The following CNTNAP2 variants were observed in gnomAD, a reference collection of about 807,000 sequenced individuals.
CNTNAP2 encodes contactin associated protein 2, also known as contactin-associated protein-like 2.
CNTNAP2 carries 98 observed loss-of-function variants against 155.2 expected under a neutral mutation model. The observed-to-expected ratio is 0.63, with a 90% CI of 0.54 to 0.75. The LOEUF (loss-of-function observed/expected upper bound fraction) is 0.75, where lower values mean the gene tolerates loss of function less well. Among genes scored for constraint, CNTNAP2 ranks in the 30% least tolerant of loss-of-function variants. The probability of loss-of-function intolerance (pLI) is 0.00; values close to 1 mark genes in which losing one functional copy is unlikely to be tolerated. For missense variants in CNTNAP2, 1,727 were observed against 1,688.1 expected, an observed-to-expected ratio of 1.02 and a Z score of -0.40; for synonymous variants, 651 against 631.2, an observed-to-expected ratio of 1.03 and a Z score of -0.47.
At chr7:146,388,243 C>G (rs924709381) in intron 1 of CNTNAP2, among the ~76,000 whole-genome samples, 4 of 151,696 alleles carry the variant, frequency 2.6e-5, no homozygotes, top group Admixed American at 2.6e-4. Context: ...CCAGCCTGGG[C>G]AACATGGCAA....
At chr7:146,658,021 A>G (rs1002037498) in intron 1 of CNTNAP2, among the ~76,000 whole-genome samples, 6 of 152,178 alleles carry the variant, frequency 3.9e-5, no homozygotes, top group Non-Finnish European at 8.8e-5. Flanking sequence ...TATATTTAAA[A>G]TAATTTTTAA....
intron 1 of CNTNAP2, among the ~76,000 whole-genome samples, chr7:146,118,687 G>A (rs1400627625): frequency 6.6e-6 from 1 of 151,930 alleles, no homozygotes; most frequent in African/African-American, 2.4e-5. Context: ...GCAGCCCTTG[G>A]GTTAATGCAT....
chr7:147,685,899 G>A (rs959501153), intron 13 of CNTNAP2, among the ~76,000 whole-genome samples: 1 of 151,918 alleles, frequency 6.6e-6, no homozygotes, highest in African/African-American at 2.4e-5. Context: ...GGAATTTGCT[G>A]GGGAAGAGCA....
chr7:146,207,635 G>A (rs1448270655), intron 1 of CNTNAP2, among the ~76,000 whole-genome samples: 1 of 98,596 alleles, frequency 1.0e-5, no homozygotes, highest in South Asian at 3.7e-4. Context: ...GAACAGGACT[G>A]TGTTTTTTTT....
chr7:147,575,107 ATGTGTGTGTGTGTGTG>A lies in CNTNAP2; in HGVS notation c.1897+12880_1897+12895del, dbSNP rs754922892. Among the ~76,000 whole-genome samples the A allele has an allele frequency of 1.1e-3, 103 of 94,144 alleles. No individual in the cohort carries two copies. In the East Asian group the frequency reaches 0.03, roughly 27 times the overall value. 61.8% of individuals were successfully genotyped at this position (94,144 alleles called of 152,430 possible). On this transcript the variant is annotated intron_variant, in intron 12 of 23. Coordinates refer to ENST00000361727, the MANE Select transcript of CNTNAP2 (RefSeq NM_014141.6). ...CATATTCTCCCGGTCTTTGTGGGAA[ATGTGTGTGTGTGTGTG>A]TGTGTGTGTGTGTGTGTGTGTGTGT...
chr7:146,286,378 G>C (rs141486236), intron 1 of CNTNAP2, among the ~76,000 whole-genome samples: 2 of 151,938 alleles, frequency 1.3e-5, no homozygotes, highest in African/African-American at 2.4e-5. Context: ...GTTGGTGACC[G>C]TGCAAAGCTA....
chr7:147,983,208 C>T (rs1272038160), intron 15 of CNTNAP2, among the ~76,000 whole-genome samples: 4 of 151,988 alleles, frequency 2.6e-5, no homozygotes, highest in African/African-American at 7.3e-5. Context: ...AAGGAGAAAC[C>T]ACTTCTCATC....
At chr7:147,520,694 G>T (rs911616494) in intron 11 of CNTNAP2, among the ~76,000 whole-genome samples, 5 of 152,196 alleles carry the variant, frequency 3.3e-5, no homozygotes, top group Admixed American at 6.5e-5. Flanking sequence ...TGACCCTAAT[G>T]AGTGTCGTTA....
chr7:147,608,117 A>G (rs1338958991), intron 12 of CNTNAP2, among the ~76,000 whole-genome samples: 1 of 151,888 alleles, frequency 6.6e-6, no homozygotes, highest in Non-Finnish European at 1.5e-5. Flanking sequence ...TGTTCAATAA[A>G]TGGAAGCTCC....
intron 13 of CNTNAP2, chr7:147,831,988 C>T (rs1363369576): frequency 6.6e-6 from 1 of 151,940 alleles, no homozygotes; most frequent in African/African-American, 2.4e-5. Flanking sequence ...TGAATATATA[C>T]ACCTACAATG....
chr7:147,967,125 C>T (rs1801229638), intron 14 of CNTNAP2, among the ~76,000 whole-genome samples: 1 of 152,162 alleles, frequency 6.6e-6, no homozygotes, highest in Non-Finnish European at 1.5e-5. Flanking sequence ...ATTCCCTCTA[C>T]TAATCATGCA....
chr7:148,268,374 C>G (rs573430806), intron 21 of CNTNAP2, among the ~76,000 whole-genome samples: 259 of 152,190 alleles, frequency 1.7e-3, no homozygotes, highest in African/African-American at 5.9e-3. Flanking sequence ...AAATAATAGA[C>G]TGGGCGTGGC....
intron 8 of CNTNAP2, among the ~76,000 whole-genome samples, chr7:147,260,432 T>G (rs1804433566): frequency 1.3e-5 from 2 of 152,176 alleles, no homozygotes; most frequent in South Asian, 4.1e-4. Context: ...GGGAAAAATT[T>G]TTTTAAAAAG....
chr7:148,195,851 A>G (rs973138256), intron 18 of CNTNAP2, among the ~76,000 whole-genome samples: 5 of 152,242 alleles, frequency 3.3e-5, no homozygotes, highest in South Asian at 2.1e-4. Context: ...AATCACTAAT[A>G]TTTCCTGAGC....
intron 2 of CNTNAP2, among the ~76,000 whole-genome samples, chr7:146,784,930 T>C (rs1216625865): frequency 6.6e-6 from 1 of 152,052 alleles, no homozygotes; most frequent in Non-Finnish European, 1.5e-5. Context: ...ATAGGCAAAA[T>C]GTGTTTACGA....
intron 8 of CNTNAP2, among the ~76,000 whole-genome samples, chr7:147,296,469 G>A (rs1414659609): frequency 6.6e-6 from 1 of 152,154 alleles, no homozygotes; most frequent in African/African-American, 2.4e-5. Context: ...TATAGTACAA[G>A]AGATTGTATC....
intron 15 of CNTNAP2, among the ~76,000 whole-genome samples, chr7:148,061,932 GAT>G (rs774850982): frequency 7.3e-6 from 1 of 137,268 alleles, no homozygotes; most frequent in African/African-American, 3.0e-5. Context: ...TAGATAGATA[GAT>G]AGATAGATAG....
At chr7:146,792,710 C>A (rs923324668) in intron 2 of CNTNAP2, among the ~76,000 whole-genome samples, 1 of 152,198 alleles carries the variant, frequency 6.6e-6, no homozygotes, top group African/African-American at 2.4e-5. Context: ...ATCATTATGA[C>A]ACAAGGCACT....
At chr7:147,055,982 C>G (rs1799554093) in intron 4 of CNTNAP2, among the ~76,000 whole-genome samples, 2 of 152,130 alleles carry the variant, frequency 1.3e-5, no homozygotes, top group African/African-American at 4.8e-5. Context: ...ACCACAAGCT[C>G]TTAATGTTTT....
Sources: gnomAD v4.1 joint callset for allele counts (sites outside exome capture counted in the v4.1 genomes callset) on GRCh38, gnomAD v4.1.1 for gene constraint, MANE v1.5 for transcripts, NCBI Gene and HGNC (gene_info 2026-07-23, HGNC 2026-07-21) for gene names.